Variants in PDZD2 observed in about 807,000 individuals in gnomAD.
The protein encoded by PDZD2 is PDZ domain-containing protein 2.
PDZD2 carries 90 observed loss-of-function variants against 220.7 expected under a neutral mutation model. The ratio of observed to expected loss-of-function variants is 0.41; its 90% CI spans 0.34 to 0.49. PDZD2 has a LOEUF of 0.49. Among genes scored for constraint, PDZD2 ranks in the 20% least tolerant of loss-of-function variants. The probability of loss-of-function intolerance (pLI) is 0.28; values close to 1 mark genes in which losing one functional copy is unlikely to be tolerated. For missense variants in PDZD2, 3,174 were observed against 3,608.5 expected (o/e 0.88, Z 3.08); for synonymous variants, 1,375 against 1,450.5 (o/e 0.95, Z 1.18).
At chr5:31,776,701 T>G (rs1752678479) in intron 1 of PDZD2, among the ~76,000 whole-genome samples, 2 of 151,588 alleles carry the variant, frequency 1.3e-5, no homozygotes, top group South Asian at 4.2e-4. Context: ...CAGGCTGGAG[T>G]GCAGTAGTGC....
chr5:31,702,744 C>T (rs1439132797), intron 1 of PDZD2, among the ~76,000 whole-genome samples: 2 of 152,340 alleles, frequency 1.3e-5, no homozygotes, highest in East Asian at 3.9e-4. Context: ...ACATATAATA[C>T]TCAGCATTTG....
At chr5:32,072,383 CTG>C (rs1740840794) in intron 17 of PDZD2, 66 bp downstream of exon 17, 1 of 1,280,770 alleles carries the variant, frequency 7.8e-7, no homozygotes, top group African/African-American at 1.5e-5. Context: ...GTTTCCACCT[CTG>C]TGCTGGCGGC....
chr5:32,069,174 G>C (rs1234880098), intron 14 of PDZD2, among the ~76,000 whole-genome samples: 4 of 151,118 alleles, frequency 2.6e-5, no homozygotes, highest in Non-Finnish European at 5.9e-5. Flanking sequence ...GCTGAGGCAG[G>C]AGAATCACTT....
intron 2 of PDZD2, among the ~76,000 whole-genome samples, chr5:31,882,860 C>T (rs56212252): frequency 6.6e-6 from 1 of 151,950 alleles, no homozygotes; most frequent in African/African-American, 2.4e-5. Context: ...GAAAGCCAGT[C>T]TCCGCTAAAA....
rs70957978 is a variant in PDZD2, at chr5:31,910,217, ATTTT to A, written c.477-72922_477-72919del. Among the ~76,000 whole-genome samples the A allele has an allele frequency of 4.8e-3, 514 of 106,822 alleles. 5 individuals are homozygous for A. Among genetic ancestry groups the A allele is most frequent in the African/African-American group, 0.019 (498 of 26,792 alleles). The allele number at this position is 106,822 out of a possible 152,430, so 70.1% of individuals were successfully genotyped here. A position where few individuals can be genotyped will look rare whatever the true frequency, so the allele number is the denominator to read the frequency against. ...AGCTGTGGAGCTCCAGAGTTCCTGCATTTTTTTTTTTTTTTTTTTGGAGACTTAG... is the reference window on the plus strand; with the variant it reads ...AGCTGTGGAGCTCCAGAGTTCCTGCATTTTTTTTTTTTTTTGGAGACTTAG... On this transcript the variant is annotated intron_variant, in intron 2 of 24. Coordinates refer to ENST00000438447, the MANE Select transcript of PDZD2 (RefSeq NM_178140.4).
intron 3 of PDZD2, among the ~76,000 whole-genome samples, chr5:31,985,941 G>T (rs1444228704): frequency 6.6e-6 from 1 of 151,230 alleles, no homozygotes; most frequent in Non-Finnish European, 1.5e-5. Flanking sequence ...CGGGCATGGT[G>T]GTGCATGCCT....
In PDZD2 at chr5:31,985,284, T is replaced by C. The variant is rs185034628; in HGVS notation, c.978+1628T>C. On this transcript the variant is annotated intron_variant, in intron 3 of 24. Coordinates refer to ENST00000438447, the MANE Select transcript of PDZD2 (RefSeq NM_178140.4). ...TGTGAACAAAATAAGGTTGTGGGTATTGGCTCCCTTAATCATTTGAAGGTT... is the reference window on the plus strand; with the variant it reads ...TGTGAACAAAATAAGGTTGTGGGTACTGGCTCCCTTAATCATTTGAAGGTT... 2.4e-4 allele frequency among the ~76,000 whole-genome samples: 36 copies of C among 152,342 alleles called. No homozygotes were observed. In the East Asian group the frequency reaches 6.8e-3, roughly 29 times the overall value.
At chr5:31,918,185 A>G (rs931656992) in intron 2 of PDZD2, among the ~76,000 whole-genome samples, 9 of 152,296 alleles carry the variant, frequency 5.9e-5, no homozygotes, top group African/African-American at 2.2e-4. Context: ...CACCCCCATG[A>G]TCCTGTCACC....
chr5:31,969,190 G>C (rs1254496010), intron 2 of PDZD2, among the ~76,000 whole-genome samples: 2 of 151,934 alleles, frequency 1.3e-5, no homozygotes, highest in African/African-American at 4.8e-5. Flanking sequence ...AAGTGAGAAG[G>C]AAAGTGAGAA....
At chr5:31,807,390 G>A (rs1754799975) in intron 2 of PDZD2, among the ~76,000 whole-genome samples, 1 of 152,226 alleles carries the variant, frequency 6.6e-6, no homozygotes, top group Admixed American at 6.5e-5. Flanking sequence ...TAAAGGGGTT[G>A]TTGAGTGGAT....
chr5:31,961,566 G>T (rs1486414606), intron 2 of PDZD2, among the ~76,000 whole-genome samples: 1 of 151,712 alleles, frequency 6.6e-6, no homozygotes, highest in Non-Finnish European at 1.5e-5. Flanking sequence ...TTCATTCATT[G>T]ATCCTATTGA....
chr5:31,806,476 C>G lies in PDZD2; in HGVS notation c.476+6752C>G, dbSNP rs114603737. Among the ~76,000 whole-genome samples, 723 of 152,222 alleles carry G rather than the reference C, an allele frequency of 4.7e-3. 4 individuals carry two copies. The highest frequency in any genetic ancestry group is 7.5e-3 in the Non-Finnish European group (508 of 68,006). On this transcript the variant is annotated intron_variant, in intron 2 of 24. Transcript: ENST00000438447. ...CCTGATGCCTAGTAATCCTAGGAAG[C>G]CTTCATTCTTTTGAGTGTTAGCAGC...
Position 32,088,491 on chromosome 5 carries a change from C to CATA in PDZD2, c.5045_5047dup (p.Ile1682dup). The CATA allele has an allele frequency of 6.2e-7, 1 of 1,614,104 alleles. No homozygotes were observed. Among genetic ancestry groups the CATA allele is most frequent in the Non-Finnish European group, 8.5e-7 (1 of 1,180,004 alleles). ...CTCAGGAGCATGAAACTCATGCGGA[C>CATA]ATAAGCACTTCACAGAACCACAGGC... On this transcript the variant is annotated inframe_insertion, in exon 20 of 25. Coordinates refer to ENST00000438447, the MANE Select transcript of PDZD2 (RefSeq NM_178140.4). This position sits in a 1 kb window ranked among gnomAD's most constrained non-coding sequence, Gnocchi z 4.6.
intron 2 of PDZD2, among the ~76,000 whole-genome samples, chr5:31,961,213 G>A (rs1404268664): frequency 6.6e-6 from 1 of 152,114 alleles, no homozygotes; most frequent in Non-Finnish European, 1.5e-5. Context: ...TGTTGTCTGA[G>A]GGATGTCTAC....
chr5:31,973,600 A>G (rs1749495271), intron 2 of PDZD2, among the ~76,000 whole-genome samples: 1 of 152,234 alleles, frequency 6.6e-6, no homozygotes, highest in South Asian at 2.1e-4. Flanking sequence ...TGATTGACAC[A>G]AATGTAGCTG....
intron 2 of PDZD2, chr5:31,908,745 T>G (rs1273117194): frequency 3.1e-6 from 3 of 957,728 alleles, no homozygotes; most frequent in Admixed American, 3.6e-5. Context: ...CTTAGTAATT[T>G]CAAAAACGAC....
intron 2 of PDZD2, among the ~76,000 whole-genome samples, chr5:31,939,409 C>G (rs550040091): frequency 6.6e-6 from 1 of 152,120 alleles, no homozygotes; most frequent in African/African-American, 2.4e-5. Context: ...GGAATCAGCA[C>G]GTGAGAAAAT....
intron 1 of PDZD2, chr5:31,726,006 T>G: frequency 2.3e-6 from 1 of 443,630 alleles, no homozygotes; most frequent in Non-Finnish European, 4.0e-6. Context: ...TCCCTGCAGA[T>G]GCATAATGGA....
chr5:32,105,702 C>G (rs942099370), intron 24 of PDZD2, among the ~76,000 whole-genome samples: 1 of 152,084 alleles, frequency 6.6e-6, no homozygotes, highest in Admixed American at 6.6e-5. Context: ...AGAATGTGTT[C>G]AACAAAAGCT....
Sources: allele counts gnomAD v4.1 joint callset (sites outside exome capture counted in the v4.1 genomes callset), GRCh38; gene constraint gnomAD v4.1.1; non-coding constraint Gnocchi (gnomAD v3.1); transcripts MANE v1.5; gene names NCBI Gene and HGNC (gene_info 2026-07-23, HGNC 2026-07-21).